Variants in USF2 observed in about 807,000 individuals in gnomAD.
USF2 encodes upstream stimulatory factor 2.
Under a neutral mutation model 46.9 loss-of-function variants are expected in USF2, and 16 were observed. The ratio of observed to expected loss-of-function variants is 0.34; its 90% confidence interval spans 0.23 to 0.52. USF2 has a LOEUF of 0.52. Among genes scored for constraint, USF2 ranks in the 20% least tolerant of loss-of-function variants. USF2 has a pLI of 0.96. For synonymous variants in USF2, 239 were observed against 194.1 expected, an observed-to-expected ratio of 1.23 and a Z score of -1.92; for missense variants, 411 against 474.0, an observed-to-expected ratio of 0.87 and a Z score of 1.23.
chr19:35,277,756 G>A (rs73927975), intron 7 of USF2: 3,681 of 152,442 alleles, frequency 0.024, 152 homozygotes, highest in African/African-American at 0.084. Context: ...GTAGCTGAGC[G>A]TTCTTTCCTG....
At position 35,279,353 on chromosome 19, in the gene USF2, A is replaced by C; in HGVS notation, c.*97A>C. ...AGAGAGGGACACATGCCCCTCCCCC[A>C]GCTGCGTTTTTTTATAGTAGATTTT... On this transcript the variant is annotated 3_prime_UTR_variant, in exon 10 of 10. Coordinates refer to ENST00000222305, the MANE Select transcript of USF2 (RefSeq NM_003367.4). 3 of 1,269,780 alleles carry C rather than the reference A, an allele frequency of 2.4e-6. No homozygotes were observed. The highest frequency in any genetic ancestry group is 3.1e-6 in the Non-Finnish European group (3 of 973,528). The allele number at this position is 1,269,780 out of a possible 1,614,324, so 78.7% of individuals were successfully genotyped here.
chr19:35,278,964 T>A lies in USF2; in HGVS notation c.841T>A (p.Ser281Thr), dbSNP rs2066272677. 6.4e-7 allele frequency: 1 copy of A among 1,553,820 alleles called. No individual in the cohort carries two copies. Among genetic ancestry groups the A allele is most frequent in the African/African-American group, 1.4e-5 (1 of 73,116 alleles). Reference sequence around the variant, plus strand: ...CCCCCAGAGTAAAGGAGGGATCCTGTCCAAGGCCTGCGATTACATCCGGGA... The same window carrying A: ...CCCCCAGAGTAAAGGAGGGATCCTGACCAAGGCCTGCGATTACATCCGGGA... ...KTGASKGGIL[S>T]KACDYIRELR... The change falls in exon 9 of 10, where the codon TCC (serine) becomes ACC (threonine). Residue 281 changes from serine to threonine, a missense_variant. Physicochemically the swap from Ser to Thr is moderately conservative, Grantham distance 58 (BLOSUM62 1). Transcript: ENST00000222305.
At position 35,269,951 on chromosome 19, in the gene USF2, C is replaced by T; in HGVS notation, c.377C>T (p.Pro126Leu). The change falls in exon 4 of 10, where the codon CCG (proline) becomes CTG (leucine). Residue 126 changes from proline (P) to leucine (L), a missense_variant. Physicochemically the swap from Pro to Leu is moderately conservative, Grantham distance 98 (BLOSUM62 -3). Coordinates refer to ENST00000222305, the MANE Select transcript of USF2 (RefSeq NM_003367.4). ...QVGVDGAAQRPGPAAASVPPG... is the reference protein window; with the variant it reads ...QVGVDGAAQRLGPAAASVPPG... The stretch of plus-strand genomic sequence containing the variant: ...GGTGTGGACGGGGCAGCCCAGCGCC[C>T]GGGCCCCGCCGCTGCCTCTGTGCCC... 2 of 1,340,860 alleles carry T rather than the reference C, an allele frequency of 1.5e-6. No individual in the cohort carries two copies. The highest frequency in any genetic ancestry group is 1.5e-5 in the African/African-American group (1 of 64,990). 83.1% of individuals were successfully genotyped at this position (1,340,860 alleles called of 1,614,324 possible). A position where few individuals can be genotyped will look rare whatever the true frequency, so the allele number is the denominator to read the frequency against.
chr19:35,269,028 C>CCCCCT lies in USF2; in HGVS notation c.-65_-61dup, dbSNP rs1206345929. 3 of 107,114 alleles carry CCCCCT rather than the reference C, an allele frequency of 2.8e-5. No homozygotes were observed. Among genetic ancestry groups the CCCCCT allele is most frequent in the African/African-American group, 1.0e-4 (3 of 29,818 alleles). 6.6% of individuals were successfully genotyped at this position (107,114 alleles called of 1,614,324 possible). On this transcript the variant is annotated 5_prime_UTR_variant, in exon 1 of 10. Transcript: ENST00000222305. The stretch of plus-strand genomic sequence containing the variant: ...GGCTCGGGGCCCCCCCGGCCGCCCG[C>CCCCCT]CCCCTCCCCTCCCTCCCTCCCCTCC...
chr19:35,273,691 G>T (rs1214604723), intron 7 of USF2, among the ~76,000 whole-genome samples: 1 of 152,178 alleles, frequency 6.6e-6, no homozygotes, highest in African/African-American at 2.4e-5. Flanking sequence ...CTGAGTGGCT[G>T]GGACCACAGG....
intron 1 of USF2, 24 bp downstream of exon 1, chr19:35,269,187 C>A: frequency 2.0e-6 from 2 of 990,130 alleles, no homozygotes; most frequent in Non-Finnish European, 2.4e-6. Flanking sequence ...CCCGGCCGTG[C>A]CCCCGCGCCC....
chr19:35,271,363 T>C (rs904313032), intron 7 of USF2, among the ~76,000 whole-genome samples: 1 of 152,230 alleles, frequency 6.6e-6, no homozygotes, highest in Non-Finnish European at 1.5e-5. Flanking sequence ...GGCCATTTGT[T>C]GACCCGGCTG....
chr19:35,275,083 T>A (rs1401618236), intron 7 of USF2: 1 of 152,260 alleles, frequency 6.6e-6, no homozygotes, highest in Non-Finnish European at 1.5e-5. Flanking sequence ...TGTTTTGAGA[T>A]GGAATCTCGC....
rs893757567 is a variant in USF2, at chr19:35,269,725, C to T, written c.228+26C>T. On this transcript the variant is annotated intron_variant, in intron 3 of 9. Transcript: ENST00000222305. ...GTGAGCGGCGGGCCGCGAGGGCGAACGGGCGGGCGGGCGGGCGCGCCGGGA... is the reference window on the plus strand; with the variant it reads ...GTGAGCGGCGGGCCGCGAGGGCGAATGGGCGGGCGGGCGGGCGCGCCGGGA... 3.0e-4 allele frequency: 50 copies of T among 166,638 alleles called. 1 individual carries two copies. In the Admixed American group the frequency reaches 0.013, roughly 45 times the overall value. The allele number at this position is 166,638 out of a possible 1,614,324, so 10.3% of individuals were successfully genotyped here.
Position 35,279,317 on chromosome 19 carries a change from G to A in USF2, c.*61G>A. The A allele has an allele frequency of 1.4e-6, 2 of 1,437,840 alleles. No individual in the cohort carries two copies. Among genetic ancestry groups the A allele is most frequent in the African/African-American group, 2.9e-5 (2 of 69,634 alleles). 89.1% of individuals were successfully genotyped at this position (1,437,840 alleles called of 1,614,324 possible). On this transcript the variant is annotated 3_prime_UTR_variant, in exon 10 of 10. Transcript: ENST00000222305. Reference sequence around the variant, plus strand: ...CCGGCCTCTGCTGCCCCCTTCCCCAGCCCTTAGCACAGAGAGGGACACATG... The same window carrying A: ...CCGGCCTCTGCTGCCCCCTTCCCCAACCCTTAGCACAGAGAGGGACACATG...
chr19:35,269,951 C>A lies in USF2; in HGVS notation c.377C>A (p.Pro126Gln). ...GGTGTGGACGGGGCAGCCCAGCGCCCGGGCCCCGCCGCTGCCTCTGTGCCC... is the reference window on the plus strand; with the variant it reads ...GGTGTGGACGGGGCAGCCCAGCGCCAGGGCCCCGCCGCTGCCTCTGTGCCC... ...QVGVDGAAQR[P>Q]GPAAASVPPG... Residue 126 changes from proline to glutamine, a missense_variant, in exon 4 of 10, where the codon CCG becomes CAG. By Grantham distance (76) the Pro-to-Gln change is moderately conservative. Coordinates refer to ENST00000222305, the MANE Select transcript of USF2 (RefSeq NM_003367.4). 4 of 1,340,858 alleles carry A rather than the reference C, an allele frequency of 3.0e-6. No individual in the cohort carries two copies. The East Asian group carries it at 1.2e-4, about 41-fold the overall frequency. 83.1% of individuals were successfully genotyped at this position (1,340,858 alleles called of 1,614,324 possible).
At chr19:35,271,793 G>A (rs996728169) in intron 7 of USF2, among the ~76,000 whole-genome samples, 1 of 152,232 alleles carries the variant, frequency 6.6e-6, no homozygotes, top group Non-Finnish European at 1.5e-5. Context: ...CGTGGGTTCT[G>A]GGCTGAGCGG....
chr19:35,271,415 C>T (rs558199907), intron 7 of USF2, among the ~76,000 whole-genome samples: 1 of 152,234 alleles, frequency 6.6e-6, no homozygotes, highest in Non-Finnish European at 1.5e-5. Context: ...TGGTGGACTT[C>T]ACACTCCCAT....
At chr19:35,276,803 C>T (rs1375876763) in intron 7 of USF2, among the ~76,000 whole-genome samples, 1 of 152,228 alleles carries the variant, frequency 6.6e-6, no homozygotes, top group African/African-American at 2.4e-5. Flanking sequence ...TTTGTACCAT[C>T]TTCAGTGATG....
At chr19:35,275,374 C>T (rs1295734479) in intron 7 of USF2, 1 of 151,758 alleles carries the variant, frequency 6.6e-6, no homozygotes, top group Non-Finnish European at 1.5e-5. Flanking sequence ...ATTCAATTTG[C>T]TAGGTTTCAT....
In USF2 at chr19:35,279,582, C is replaced by T. The variant is rs1377281759; in HGVS notation, c.*326C>T. On this transcript the variant is annotated 3_prime_UTR_variant, in exon 10 of 10. Coordinates refer to ENST00000222305, the MANE Select transcript of USF2 (RefSeq NM_003367.4). ...CTGCCACGTCCCGCTGCCTCCTGCT[C>T]TCTGGAGGTACTGAGACAGGGTGCT... 2 of 314,162 alleles carry T rather than the reference C, an allele frequency of 6.4e-6. No homozygotes were observed. The highest frequency in any genetic ancestry group is 1.2e-5 in the Non-Finnish European group (2 of 172,056). The allele number at this position is 314,162 out of a possible 1,614,324, so 19.5% of individuals were successfully genotyped here.
At chr19:35,272,218 A>G (rs899590290) in intron 7 of USF2, among the ~76,000 whole-genome samples, 7 of 152,244 alleles carry the variant, frequency 4.6e-5, no homozygotes, top group African/African-American at 1.7e-4. Context: ...AGGACAGACA[A>G]GGTCTCAGCT....
At chr19:35,271,282 A>G (rs2066152686) in intron 7 of USF2, 141 bp downstream of exon 7, 1 of 938,470 alleles carries the variant, frequency 1.1e-6, no homozygotes, top group Admixed American at 2.5e-5. Flanking sequence ...GACGCTGTAA[A>G]GGTAGAAAGT....
intron 6 of USF2, 63 bp from the exon 7 acceptor site, chr19:35,271,020 C>A (rs761833340): frequency 6.3e-7 from 1 of 1,591,684 alleles, no homozygotes; most frequent in Non-Finnish European, 8.6e-7. Flanking sequence ...TAATACTTAG[C>A]AGATGCTTGG....
Sources: allele counts gnomAD v4.1 joint callset (sites outside exome capture counted in the v4.1 genomes callset), GRCh38; gene constraint gnomAD v4.1.1; transcripts MANE v1.5; gene names NCBI Gene and HGNC (gene_info 2026-07-23, HGNC 2026-07-21).